The following SLX4 variants were observed in gnomAD, a reference collection of about 807,000 sequenced individuals.
SLX4 encodes SLX4 structure-specific endonuclease subunit, also known as structure-specific endonuclease subunit SLX4.
SLX4 carries 112 observed loss-of-function variants against 146.2 expected under a neutral mutation model. That is an observed-to-expected ratio of 0.77 (90% CI 0.66 to 0.90). The LOEUF is 0.90. Among genes scored for constraint, SLX4 ranks in the 40% least tolerant of loss-of-function variants. The pLI is 0.00. For missense variants in SLX4, 2,563 were observed against 2,392.7 expected (o/e 1.07, Z -1.49); for synonymous variants, 1,061 against 997.7 (o/e 1.06, Z -1.20).
intron 12 of SLX4, among the ~76,000 whole-genome samples, chr16:3,585,442 T>C (rs1049145821): frequency 2.6e-5 from 4 of 151,324 alleles, no homozygotes; most frequent in Admixed American, 6.6e-5. Context: ...AAAAATTAGC[T>C]GGGCGTGGTG....
rs146079010 is a variant in SLX4, at chr16:3,589,441, G to A, written c.4197C>T (p.Asp1399=). ...GATGGGAGGCCACCTCCTGCTCATC[G>A]TCACTGTCTCCGACTTCCACCACTT... ...AGEVVEVGDS[D]DEQEVASHQA... Residue 1399 remains aspartate (D), a synonymous_variant, in exon 12 of 15, where the codon GAC becomes GAT. Transcript: ENST00000294008. The surrounding 1 kb of genome is among the most constrained non-coding windows in gnomAD (Gnocchi z 6.2). 1.0e-5 allele frequency: 16 copies of A among 1,604,406 alleles called. No homozygotes were observed. The highest frequency in any genetic ancestry group is 6.6e-5 in the South Asian group (6 of 90,974).
At position 3,589,084 on chromosome 16, in the gene SLX4, C is replaced by T. The variant is rs996201333; in HGVS notation, c.4554G>A (p.Glu1518=). 2.5e-6 allele frequency: 4 copies of T among 1,614,140 alleles called. No individual in the cohort carries two copies. Among genetic ancestry groups the T allele is most frequent in the East Asian group, 2.2e-5 (1 of 44,888 alleles). ...GAGGAGGGGTCTCTGGAGGCCTCTGCTCTTCCCCGTCCCAAACGTCCCACA... is the reference window on the plus strand; with the variant it reads ...GAGGAGGGGTCTCTGGAGGCCTCTGTTCTTCCCCGTCCCAAACGTCCCACA... The part of the protein sequence containing the change: ...SALWDVWDGE[E]QRPPETPPPA... Residue 1518 remains glutamate, a synonymous_variant, in exon 12 of 15, where the codon GAG becomes GAA. Coordinates refer to ENST00000294008, the MANE Select transcript of SLX4 (RefSeq NM_032444.4). This position sits in a 1 kb window ranked among gnomAD's most constrained non-coding sequence, Gnocchi z 6.2.
At position 3,583,426 on chromosome 16, in the gene SLX4, T is replaced by A; in HGVS notation, c.4824A>T (p.Ser1608=). ...AGGACTGGCTCTCGTCCTCGGAGTC[T>A]GAGTCCAGGGTCTGGTGAGTGTACT... ...IFQYTHQTLD[S]DSEDESQSSQ... Residue 1608 remains serine, a synonymous_variant, in exon 14 of 15, where the codon TCA becomes TCT. Coordinates refer to ENST00000294008, the MANE Select transcript of SLX4 (RefSeq NM_032444.4). 1 of 1,613,968 alleles carries A rather than the reference T, an allele frequency of 6.2e-7. No individual in the cohort carries two copies. The highest frequency in any genetic ancestry group is 1.3e-5 in the African/African-American group (1 of 75,056).
chr16:3,596,177 GGC>G lies in SLX4; in HGVS notation c.1898_1899del (p.Gly633AlafsTer47), dbSNP rs2040652761. On this transcript the variant is annotated frameshift_variant, in exon 8 of 15. Coordinates refer to ENST00000294008, the MANE Select transcript of SLX4 (RefSeq NM_032444.4). LOFTEE classifies it high-confidence loss of function. ...CCTGCAGTCCCTTCCGAGCCAGCCAGGCCCCCACTGCCGGGCCACGGGCTGGC... is the reference window on the plus strand; with the variant it reads ...CCTGCAGTCCCTTCCGAGCCAGCCAGCCCCACTGCCGGGCCACGGGCTGGC... ...LSASPWPGSG[G>X]LAGSEGTAGL... is the part of the protein sequence containing the mutation. 6.4e-7 allele frequency: 1 copy of G among 1,551,890 alleles called. No individual in the cohort carries two copies. The highest frequency in any genetic ancestry group is 8.7e-7 in the Non-Finnish European group (1 of 1,150,360).
chr16:3,605,826 A>G (rs906880268), intron 3 of SLX4, among the ~76,000 whole-genome samples: 2 of 151,332 alleles, frequency 1.3e-5, no homozygotes, highest in Admixed American at 1.3e-4. Context: ...GGGAGCCTGT[A>G]GTCCCAGCTA....
chr16:3,605,330 CTG>C (rs1305721280), intron 3 of SLX4, among the ~76,000 whole-genome samples: 1 of 152,082 alleles, frequency 6.6e-6, no homozygotes, highest in Non-Finnish European at 1.5e-5. Flanking sequence ...ACCTTGTGAT[CTG>C]CGCACCTCGG....
At chr16:3,605,808 G>A (rs371123396) in intron 3 of SLX4, among the ~76,000 whole-genome samples, 3 of 151,718 alleles carry the variant, frequency 2.0e-5, no homozygotes, top group African/African-American at 7.3e-5. Flanking sequence ...TTAGCCAGGC[G>A]TGGTGGTGGG....
intron 2 of SLX4, 100 bp downstream of exon 2, chr16:3,608,330 A>T: frequency 2.5e-6 from 3 of 1,183,340 alleles, no homozygotes; most frequent in Non-Finnish European, 3.8e-6. Context: ...AGAGTTGAGT[A>T]GTTGTGACAG....
intron 5 of SLX4, 137 bp from the exon 6 acceptor site, chr16:3,598,136 C>A: frequency 1.1e-6 from 1 of 928,142 alleles, no homozygotes; most frequent in South Asian, 1.4e-5. Context: ...GCGTCCCCCA[C>A]TTCCACTGCC....
rs777533776 is a variant in SLX4 at position 3,610,176 on chromosome 16, T to G, written c.-602-610A>C. 3.2e-4 allele frequency among the ~76,000 whole-genome samples: 48 copies of G among 152,340 alleles called. 1 individual carries two copies. Among genetic ancestry groups the G allele is most frequent in the Middle Eastern group, 3.4e-3 (1 of 294 alleles). On this transcript the variant is annotated intron_variant, in intron 1 of 14. Transcript: ENST00000294008. ...TGAATGACCCAATGGCAGAAAGTTATTCCTTTCAAATACAATAATGCAATC... is the reference window on the plus strand; with the variant it reads ...TGAATGACCCAATGGCAGAAAGTTAGTCCTTTCAAATACAATAATGCAATC...
rs1446603067 is a variant in SLX4 at position 3,597,859 on chromosome 16, C to G, written c.1304G>C (p.Gly435Ala). 6 of 1,614,036 alleles carry G rather than the reference C, an allele frequency of 3.7e-6. No individual in the cohort carries two copies. The South Asian group carries it at 6.6e-5, about 18-fold the overall frequency. Residue 435 changes from glycine to alanine, a missense_variant, in exon 6 of 15, where the codon GGT becomes GCT. Physicochemically the swap from Gly to Ala is moderately conservative, Grantham distance 60. Transcript: ENST00000294008. This position sits in a 1 kb window ranked among gnomAD's most constrained non-coding sequence, Gnocchi z 4.4. ...CAGCCTGAGCGCTGGTACAGCCGCA[C>G]CCGGCTCCATCTCCGACCGGGACAG... ...MALSRSEMEP[G>A]AAVPALRLES...
chr16:3,584,889 A>G lies in SLX4; in HGVS notation c.4637-18T>C. 1 of 1,569,048 alleles carries G rather than the reference A, an allele frequency of 6.4e-7. No homozygotes were observed. The highest frequency in any genetic ancestry group is 8.8e-7 in the Non-Finnish European group (1 of 1,138,882). On this transcript the variant is annotated intron_variant, in intron 12 of 14. Coordinates refer to ENST00000294008, the MANE Select transcript of SLX4 (RefSeq NM_032444.4). Reference sequence around the variant, plus strand: ...AGCACCTTCTGGGTAAAACAAAAGAAGCACACGTTTTAGCATGAGGGACAC... The same window carrying G: ...AGCACCTTCTGGGTAAAACAAAAGAGGCACACGTTTTAGCATGAGGGACAC...
chr16:3,584,311 C>T (rs745526517), intron 13 of SLX4, among the ~76,000 whole-genome samples: 4 of 152,068 alleles, frequency 2.6e-5, no homozygotes, highest in Non-Finnish European at 4.4e-5. Flanking sequence ...GTCCCAGCTA[C>T]TCGGGAGGCT....
Position 3,608,769 on chromosome 16 carries a change from C to T in SLX4, c.196G>A (p.Gly66Arg), listed in dbSNP as rs1316806935. 2 of 1,614,046 alleles carry T rather than the reference C, an allele frequency of 1.2e-6. No homozygotes were observed. The highest frequency in any genetic ancestry group is 1.7e-5 in the Admixed American group (1 of 59,996). The change falls in exon 2 of 15, where the codon GGA (glycine) becomes AGA (arginine). Residue 66 changes from glycine to arginine, a missense_variant. Coordinates refer to ENST00000294008, the MANE Select transcript of SLX4 (RefSeq NM_032444.4). The part of the protein sequence containing the change: ...ASFFQRVKKH[G>R]IKEVSGERKT... ...CTTTCTCCTGACACTTCCTTGATTC[C>T]ATGTTTTTTCACCCTTTGGAAAAAG...
At chr16:3,601,492 T>C in intron 4 of SLX4, 1 of 441,682 alleles carries the variant, frequency 2.3e-6, no homozygotes, top group South Asian at 2.1e-5. Context: ...AACAAATACA[T>C]GAAACCCATG....
At chr16:3,591,391 G>A in intron 11 of SLX4, 81 bp from the exon 12 acceptor site, 1 of 1,577,536 alleles carries the variant, frequency 6.3e-7, no homozygotes, top group Non-Finnish European at 8.6e-7. Context: ...GCGGACCAGA[G>A]CAGAGTCTTC....
chr16:3,585,021 C>CAGGGAAGGGG, intron 12 of SLX4, 150 bp from the exon 13 acceptor site: 1 of 699,814 alleles, frequency 1.4e-6, no homozygotes, highest in Non-Finnish European at 2.6e-6. Flanking sequence ...CACCCCTTCC[C>CAGGGAAGGGG]TGTCTGGAGC....
At chr16:3,598,124 A>T in intron 5 of SLX4, 125 bp from the exon 6 acceptor site, 1 of 1,070,382 alleles carries the variant, frequency 9.3e-7, no homozygotes, top group Non-Finnish European at 1.4e-6. Flanking sequence ...TGCCAGGCAG[A>T]TGCGTCCCCC....
chr16:3,582,969 A>T, intron 14 of SLX4, 128 bp downstream of exon 14: 1 of 1,272,420 alleles, frequency 7.9e-7, no homozygotes, highest in Non-Finnish European at 1.1e-6. Flanking sequence ...TGGTTTTCCC[A>T]CAGGTCAAAC....
Sources: allele counts gnomAD v4.1 joint callset (sites outside exome capture counted in the v4.1 genomes callset), GRCh38; gene constraint gnomAD v4.1.1; non-coding constraint Gnocchi (gnomAD v3.1); transcripts MANE v1.5; gene names NCBI Gene and HGNC (gene_info 2026-07-23, HGNC 2026-07-21).